Variants in HELZ observed in about 807,000 individuals in gnomAD.
The protein encoded by HELZ is helicase with zinc finger.
HELZ carries 23 observed loss-of-function variants against 218.2 expected under a neutral mutation model. That is an observed-to-expected ratio of 0.11 (90% CI 0.08 to 0.15). HELZ has a LOEUF of 0.15. HELZ is among the 10% of genes least tolerant of loss of function. The pLI is 1.00. For missense variants in HELZ, 1,813 were observed against 2,353.7 expected, an observed-to-expected ratio of 0.77 and a Z score of 4.75; for synonymous variants, 814 against 829.4, an observed-to-expected ratio of 0.98 and a Z score of 0.32.
rs796298264 is a variant in HELZ, at chr17:67,077,487, TA to T, written c.*764del. ...AAATTTTTCAGCTTCTTGATTTGTT[TA>T]AAAAAAAAAACACACACTATCAAAT... is the stretch of plus-strand genomic sequence containing the variant. On this transcript the variant is annotated 3_prime_UTR_variant, in exon 33 of 33. Coordinates refer to ENST00000358691, the MANE Select transcript of HELZ (RefSeq NM_014877.4). 2.7e-3 allele frequency: 399 copies of T among 146,760 alleles called. No homozygotes were observed. Among genetic ancestry groups the T allele is most frequent in the Non-Finnish European group, 4.0e-3 (265 of 66,260 alleles). The allele number at this position is 146,760 out of a possible 1,614,324, so 9.1% of individuals were successfully genotyped here. A position where few individuals can be genotyped will look rare whatever the true frequency, so the allele number is the denominator to read the frequency against.
intron 3 of HELZ, among the ~76,000 whole-genome samples, chr17:67,238,171 C>T (rs1045586827): frequency 6.6e-6 from 1 of 150,598 alleles, no homozygotes; most frequent in Non-Finnish European, 1.5e-5. Context: ...TAATGAAACC[C>T]CGTCTTTACT....
chr17:67,190,366 T>G lies in HELZ; in HGVS notation c.558-11A>C, dbSNP rs1350089500. 5.0e-6 allele frequency: 8 copies of G among 1,585,402 alleles called. No homozygotes were observed. Among genetic ancestry groups the G allele is most frequent in the Non-Finnish European group, 6.1e-6 (7 of 1,153,962 alleles). On this transcript the variant is annotated splice_polypyrimidine_tract_variant and intron_variant, in intron 9 of 32. Coordinates refer to ENST00000358691, the MANE Select transcript of HELZ (RefSeq NM_014877.4). The stretch of plus-strand genomic sequence containing the variant: ...CCTTGTTCTAAAAATCTAAGTAGAA[T>G]AGGAAAGACTGTTTTATCATATACT...
At chr17:67,086,677 TC>T in intron 32 of HELZ, 151 bp downstream of exon 32, 1 of 352,450 alleles carries the variant, frequency 2.8e-6, no homozygotes, top group Admixed American at 3.9e-5. Context: ...ATCAATATAG[TC>T]CTAAATTGCA....
intron 5 of HELZ, among the ~76,000 whole-genome samples, chr17:67,208,189 T>C (rs1270201727): frequency 6.6e-6 from 1 of 151,922 alleles, no homozygotes; most frequent in Non-Finnish European, 1.5e-5. Flanking sequence ...GGTGGTTGAG[T>C]GTGACTCTAA....
At chr17:67,103,470 T>A (rs908049117) in intron 31 of HELZ, among the ~76,000 whole-genome samples, 1 of 152,010 alleles carries the variant, frequency 6.6e-6, no homozygotes, top group African/African-American at 2.4e-5. Context: ...AAAAATGAAA[T>A]TAAGAAAACA....
chr17:67,141,601 G>C (rs1450809002), intron 21 of HELZ, among the ~76,000 whole-genome samples: 1 of 151,878 alleles, frequency 6.6e-6, no homozygotes, highest in Non-Finnish European at 1.5e-5. Context: ...GAAAGGAAGG[G>C]GGAATAGAGC....
At chr17:67,088,399 G>A (rs1283894265) in intron 31 of HELZ, among the ~76,000 whole-genome samples, 1 of 152,184 alleles carries the variant, frequency 6.6e-6, no homozygotes, top group Non-Finnish European at 1.5e-5. Context: ...AACAATAACA[G>A]GATGGCTTCT....
intron 27 of HELZ, chr17:67,119,993 CTTTTTTTTTTT>C (rs56893875): frequency 3.2e-4 from 52 of 161,994 alleles, no homozygotes; most frequent in South Asian, 1.3e-3. Context: ...TCTCCCTTTT[CTTTTTTTTTTT>C]TTTTTTTTTT....
rs747330894 is a variant in HELZ at position 67,109,360 on chromosome 17, TGGCTGCTGA to T, written c.4236_4244del (p.Gln1413_Pro1415del). On this transcript the variant is annotated inframe_deletion, in exon 29 of 33. Transcript: ENST00000358691. ...GATATGCAGGAGAAAGCTGAGGAGG[TGGCTGCTGA>T]GGCTGCTGATTCAACTGACTTTGCT... 8 of 1,614,046 alleles carry T rather than the reference TGGCTGCTGA, an allele frequency of 5.0e-6. No individual in the cohort carries two copies. Among genetic ancestry groups the T allele is most frequent in the Middle Eastern group, 1.6e-4 (1 of 6,062 alleles).
intron 32 of HELZ, among the ~76,000 whole-genome samples, chr17:67,085,554 GTTT>G (rs11420818): frequency 6.6e-6 from 1 of 151,240 alleles, no homozygotes; most frequent in African/African-American, 2.4e-5. Context: ...GCTTTTAAAT[GTTT>G]TTTTTTAATT....
At chr17:67,214,605 GA>G (rs897837661) in intron 5 of HELZ, among the ~76,000 whole-genome samples, 110 of 143,250 alleles carry the variant, frequency 7.7e-4, no homozygotes, top group Middle Eastern at 3.6e-3. Flanking sequence ...AGTAAGCAGG[GA>G]AAAAAAAAAA....
intron 6 of HELZ, 21 bp downstream of exon 6, chr17:67,203,298 A>T: frequency 6.2e-7 from 1 of 1,611,928 alleles, no homozygotes; most frequent in Non-Finnish European, 8.5e-7. Context: ...AGGCATACAA[A>T]ATTAGAGCTT....
chr17:67,171,831 T>A (rs929640954), intron 13 of HELZ, among the ~76,000 whole-genome samples: 1 of 148,028 alleles, frequency 6.8e-6, no homozygotes, highest in African/African-American at 2.6e-5. Context: ...TCTTTTGTTT[T>A]GTTTTGTTTT....
At chr17:67,092,100 T>C (rs961536538) in intron 31 of HELZ, among the ~76,000 whole-genome samples, 1 of 152,228 alleles carries the variant, frequency 6.6e-6, no homozygotes, top group Admixed American at 6.5e-5. Flanking sequence ...TATGGGTTCA[T>C]GTGATGTAAT....
intron 12 of HELZ, among the ~76,000 whole-genome samples, chr17:67,184,521 G>A (rs189721766): frequency 1.7e-4 from 26 of 152,222 alleles, no homozygotes; most frequent in South Asian, 1.0e-3. Flanking sequence ...CATACTGGCC[G>A]GGCATGGTGG....
chr17:67,086,631 A>AATATAAATATAAATAT (rs914625902), intron 32 of HELZ, among the ~76,000 whole-genome samples, 198 bp downstream of exon 32: 10 of 93,300 alleles, frequency 1.1e-4, no homozygotes, highest in African/African-American at 4.8e-4. Flanking sequence ...TATAAATATA[A>AATATAAATATAAATAT]ATATATATAT....
rs2038627917 is a variant in HELZ, at chr17:67,150,059, T to C, written c.2357-74A>G. The stretch of plus-strand genomic sequence containing the variant: ...AGGCAGAAGGACTATAGTTATTTTC[T>C]TTTCTGCTAAGTAAAGAGTTTAGTT... On this transcript the variant is annotated intron_variant, in intron 18 of 32. Coordinates refer to ENST00000358691, the MANE Select transcript of HELZ (RefSeq NM_014877.4). 3.6e-6 allele frequency: 3 copies of C among 822,252 alleles called. No individual in the cohort carries two copies. The South Asian group carries it at 5.1e-5, about 14-fold the overall frequency. The allele number at this position is 822,252 out of a possible 1,614,324, so 50.9% of individuals were successfully genotyped here.
At chr17:67,222,461 A>G (rs923776510) in intron 3 of HELZ, among the ~76,000 whole-genome samples, 1 of 152,188 alleles carries the variant, frequency 6.6e-6, no homozygotes, top group Non-Finnish European at 1.5e-5. Context: ...GCGCAGAACT[A>G]TGAATTTCAG....
intron 3 of HELZ, among the ~76,000 whole-genome samples, chr17:67,230,595 C>CAAAAAAA (rs376918246): frequency 9.0e-6 from 1 of 111,402 alleles, no homozygotes; most frequent in Admixed American, 1.1e-4. Context: ...GACTCCATCT[C>CAAAAAAA]AAAAAAAAAA....
Sources: allele counts gnomAD v4.1 joint callset (sites outside exome capture counted in the v4.1 genomes callset), GRCh38; gene constraint gnomAD v4.1.1; transcripts MANE v1.5; gene names NCBI Gene and HGNC (gene_info 2026-07-23, HGNC 2026-07-21).